The following FABP3 variants were observed in gnomAD, a reference collection of about 807,000 sequenced individuals.
FABP3 encodes the protein fatty acid binding protein 3.
In FABP3, 8 loss-of-function variants were observed where a neutral mutation model predicts 13.4. That is an observed-to-expected ratio of 0.60 (90% CI 0.35 to 1.07). The LOEUF (loss-of-function observed/expected upper bound fraction) is 1.07, where lower values mean the gene tolerates loss of function less well. Among genes scored for constraint, FABP3 ranks in the 50% least tolerant of loss-of-function variants. The probability of loss-of-function intolerance (pLI) is 0.02; values close to 1 mark genes in which losing one functional copy is unlikely to be tolerated. For synonymous variants in FABP3, 64 were observed against 60.0 expected (o/e 1.07, Z -0.31); for missense variants, 135 against 164.7 (o/e 0.82, Z 0.99).
intron 3 of FABP3, among the ~76,000 whole-genome samples, 175 bp from the exon 4 acceptor site, chr1:31,366,114 T>C (rs1020796188): frequency 2.0e-5 from 3 of 151,828 alleles, no homozygotes; most frequent in Admixed American, 1.3e-4. Flanking sequence ...ATACATAATT[T>C]TTTTTTTCTG....
intron 3 of FABP3, among the ~76,000 whole-genome samples, chr1:31,366,289 A>G (rs7523777): frequency 0.083 from 12,696 of 152,078 alleles, 1,770 homozygotes; most frequent in African/African-American, 0.29. Context: ...GGTGCCTGGC[A>G]TATAGTTGAC....
the FABP3 span, among the ~76,000 whole-genome samples, chr1:31,359,663 T>G: frequency 6.6e-6 from 1 of 152,210 alleles, no homozygotes; most frequent in Non-Finnish European, 1.5e-5. Flanking sequence ...AGAACTATAG[T>G]GAAAATGGGT....
intron 1 of FABP3, among the ~76,000 whole-genome samples, chr1:31,371,862 A>AAGGG (rs1429562420): frequency 2.6e-5 from 4 of 152,204 alleles, no homozygotes; most frequent in Non-Finnish European, 5.9e-5. Flanking sequence ...GCAGTAGAAG[A>AAGGG]AGGGCTGAGG....
At chr1:31,359,934 T>C in the FABP3 span, among the ~76,000 whole-genome samples, 23 of 152,268 alleles carry the variant, frequency 1.5e-4, no homozygotes, top group African/African-American at 5.3e-4. Context: ...ATCTTCTGGC[T>C]CTCAGTCTTC....
chr1:31,364,019 A>T (rs908668039), downstream of FABP3: 20 of 1,605,900 alleles, frequency 1.2e-5, no homozygotes, highest in Non-Finnish European at 1.5e-5. Flanking sequence ...GATTTTTAAA[A>T]TTTTCTTTTC....
At chr1:31,367,663 A>G (rs910570567) in intron 2 of FABP3, among the ~76,000 whole-genome samples, 169 bp from the exon 3 acceptor site, 3 of 152,230 alleles carry the variant, frequency 2.0e-5, no homozygotes, top group Non-Finnish European at 2.9e-5. Flanking sequence ...CAAGACATCT[A>G]GTTCACCTCC....
At chr1:31,366,298 A>G (rs886991112) in intron 3 of FABP3, among the ~76,000 whole-genome samples, 2 of 152,010 alleles carry the variant, frequency 1.3e-5, no homozygotes, top group African/African-American at 4.8e-5. Flanking sequence ...CATATAGTTG[A>G]CAAATAGGAA....
Position 31,367,474 on chromosome 1 carries a change from T to C in FABP3, c.267A>G (p.Gly89=). The stretch of plus-strand genomic sequence containing the variant: ...ATTTCTGCAGGTGAACAAGTTTCCC[T>C]CCATCCAGTGTCACAATGGACTGTG... ...RKVKSIVTLD[G]GKLVHLQKWD... The change falls in exon 3 of 4, where the codon GGA becomes GGG. Residue 89 remains glycine (G), a synonymous_variant. Transcript: ENST00000373713. 2 of 1,614,162 alleles carry C rather than the reference T, an allele frequency of 1.2e-6. No individual in the cohort carries two copies. The highest frequency in any genetic ancestry group is 1.7e-6 in the Non-Finnish European group (2 of 1,179,986).
At chr1:31,361,755 C>CGGT (rs1639904044), downstream of FABP3, among the ~76,000 whole-genome samples, 4 of 152,004 alleles carry the variant, frequency 2.6e-5, no homozygotes, top group Non-Finnish European at 4.4e-5. Context: ...TAACTTGTCA[C>CGGT]CATAGGTGTT....
chr1:31,359,795 T>C, the FABP3 span, among the ~76,000 whole-genome samples: 1 of 152,164 alleles, frequency 6.6e-6, no homozygotes, highest in African/African-American at 2.4e-5. Context: ...TCCTATGCCA[T>C]TTAAAAACTG....
At position 31,365,716 on chromosome 1, in the gene FABP3, A is replaced by C. The variant is rs564709104; in HGVS notation, c.*170T>G. ...CTATGAGTGCAGTTAAAAAAAAAAA[A>C]AAAAAACCACATACACCATGGGAAC... On this transcript the variant is annotated 3_prime_UTR_variant, in exon 4 of 4. Coordinates refer to ENST00000373713, the MANE Select transcript of FABP3 (RefSeq NM_004102.5). The C allele has an allele frequency of 1.4e-4, 83 of 611,602 alleles. 1 individual carries two copies. Among genetic ancestry groups the C allele is most frequent in the South Asian group, 8.3e-4 (41 of 49,380 alleles). 37.9% of individuals were successfully genotyped at this position (611,602 alleles called of 1,614,324 possible).
At chr1:31,363,400 G>T (rs374636444), downstream of FABP3, among the ~76,000 whole-genome samples, 1 of 152,112 alleles carries the variant, frequency 6.6e-6, no homozygotes, top group East Asian at 1.9e-4. Flanking sequence ...AGCCAGGATG[G>T]TCTCGATCTC....
downstream of FABP3, among the ~76,000 whole-genome samples, chr1:31,363,008 G>A (rs1344867844): frequency 6.6e-6 from 1 of 152,038 alleles, no homozygotes; most frequent in South Asian, 2.1e-4. Context: ...ACACAAGTAT[G>A]TGTAACATAC....
chr1:31,363,366 G>A (rs910040597), downstream of FABP3, among the ~76,000 whole-genome samples: 1 of 152,066 alleles, frequency 6.6e-6, no homozygotes, highest in Non-Finnish European at 1.5e-5. Context: ...TGTATTTTTA[G>A]TAGAGACGGG....
At chr1:31,368,822 T>C (rs923598348) in intron 2 of FABP3, among the ~76,000 whole-genome samples, 1 of 152,206 alleles carries the variant, frequency 6.6e-6, no homozygotes, top group Admixed American at 6.5e-5. Flanking sequence ...TTCCTGCCTG[T>C]CAGCTGGCAA....
chr1:31,372,707 G>A (rs1279150856), intron 1 of FABP3, among the ~76,000 whole-genome samples: 5 of 152,076 alleles, frequency 3.3e-5, no homozygotes, highest in Non-Finnish European at 5.9e-5. Context: ...TTCCTGGAAA[G>A]AGCCTCCCAC....
intron 1 of FABP3, among the ~76,000 whole-genome samples, chr1:31,372,111 A>G (rs1640219307): frequency 6.6e-6 from 1 of 152,132 alleles, no homozygotes; most frequent in Non-Finnish European, 1.5e-5. Flanking sequence ...CTCCATCCCA[A>G]CACCACAGCA....
At chr1:31,364,353 T>C (rs1438869419), downstream of FABP3, 1 of 1,331,856 alleles carries the variant, frequency 7.5e-7, no homozygotes, top group Non-Finnish European at 1.0e-6. Context: ...GGTTTGGGAG[T>C]TAGAGGTCAA....
At chr1:31,369,292 TCAGGGTGCAATAC>T in intron 2 of FABP3, 80 bp downstream of exon 2, 1 of 1,331,560 alleles carries the variant, frequency 7.5e-7, no homozygotes, top group Non-Finnish European at 1.1e-6. Flanking sequence ...AGTCTGCCCC[TCAGGGTGCAATAC>T]CAGGGAGCCA....
Sources: allele counts gnomAD v4.1 joint callset (sites outside exome capture counted in the v4.1 genomes callset), GRCh38; gene constraint gnomAD v4.1.1; transcripts MANE v1.5; gene names NCBI Gene and HGNC (gene_info 2026-07-23, HGNC 2026-07-21).